Variants in ADCY10 observed in about 807,000 individuals in gnomAD.
ADCY10 encodes adenylate cyclase 10.
Under a neutral mutation model 183.3 loss-of-function variants are expected in ADCY10, and 156 were observed. The observed-to-expected ratio is 0.85, with a 90% CI of 0.75 to 0.97. The LOEUF is 0.97. Among genes scored for constraint, ADCY10 ranks in the 50% least tolerant of loss-of-function variants. The probability of loss-of-function intolerance (pLI) is 0.00; values close to 1 mark genes in which losing one functional copy is unlikely to be tolerated. For synonymous variants in ADCY10, 645 were observed against 670.0 expected (o/e 0.96, Z 0.58); for missense variants, 1,745 against 1,934.3 (o/e 0.90, Z 1.84).
rs1669476448 is a variant in ADCY10, at chr1:167,902,123, C to G, written c.254-69G>C. On this transcript the variant is annotated intron_variant, in intron 3 of 32. Transcript: ENST00000367851. ...AGGTAGTAAAAAAACATCATTCTTT[C>G]TTAGTGGAATAGAAACTAGGTCAAA... 3 of 1,438,496 alleles carry G rather than the reference C, an allele frequency of 2.1e-6. No homozygotes were observed. The East Asian group carries it at 6.8e-5, about 33-fold the overall frequency. 89.1% of individuals were successfully genotyped at this position (1,438,496 alleles called of 1,614,324 possible). A position where few individuals can be genotyped will look rare whatever the true frequency, so the allele number is the denominator to read the frequency against.
chr1:167,880,327 T>C (rs1667782518), intron 10 of ADCY10, 136 bp from the exon 11 acceptor site: 5 of 1,002,958 alleles, frequency 5.0e-6, no homozygotes, highest in Non-Finnish European at 7.8e-6. Flanking sequence ...AATTAGTTTA[T>C]GGCATTTCTA....
chr1:167,881,977 T>C (rs1667895055), intron 9 of ADCY10, among the ~76,000 whole-genome samples: 1 of 152,230 alleles, frequency 6.6e-6, no homozygotes, highest in Non-Finnish European at 1.5e-5. Context: ...GTTGTGTCAA[T>C]ATATGTGTTA....
intron 1 of ADCY10, among the ~76,000 whole-genome samples, chr1:167,911,980 A>T (rs1322362206): frequency 6.6e-6 from 1 of 152,224 alleles, no homozygotes; most frequent in Non-Finnish European, 1.5e-5. Flanking sequence ...AGGCAGGGAG[A>T]TCTAAAATAA....
chr1:167,822,161 G>T lies in ADCY10; in HGVS notation c.4169-20C>A. On this transcript the variant is annotated intron_variant, in intron 29 of 32. Transcript: ENST00000367851. ...CAAAACCTAAGAGAGAGAGGAATGG[G>T]TGAGAGTTATTAGTAGGTGTGGGTG... 1 of 1,444,300 alleles carries T rather than the reference G, an allele frequency of 6.9e-7. No homozygotes were observed. The highest frequency in any genetic ancestry group is 9.8e-7 in the Non-Finnish European group (1 of 1,025,272). 89.5% of individuals were successfully genotyped at this position (1,444,300 alleles called of 1,614,324 possible). A position where few individuals can be genotyped will look rare whatever the true frequency, so the allele number is the denominator to read the frequency against.
intron 14 of ADCY10, among the ~76,000 whole-genome samples, chr1:167,866,881 C>T (rs1000139599): frequency 2.6e-5 from 4 of 152,122 alleles, no homozygotes; most frequent in Non-Finnish European, 2.9e-5. Context: ...TTTCCAAAGG[C>T]TGGCCCCCAT....
chr1:167,846,042 C>T lies in ADCY10; in HGVS notation c.2659G>A (p.Asp887Asn), dbSNP rs1321154809. Residue 887 changes from aspartate to asparagine, a missense_variant, in exon 20 of 33, where the codon GAT (aspartate) becomes AAT (asparagine). Asp to Asn is a conservative substitution (Grantham distance 23). Transcript: ENST00000367851. ...CGATAGTGCACCTCAAATGAGGGAT[C>T]ATTCTGTTTCAGGGCCTTTTGAAGC... Reference protein sequence around the residue: ...KELQKALKQNDPSFEVHYRSL... With the variant: ...KELQKALKQNNPSFEVHYRSL... The T allele has an allele frequency of 6.2e-7, 1 of 1,614,202 alleles. No individual in the cohort carries two copies. Among genetic ancestry groups the T allele is most frequent in the Admixed American group, 1.7e-5 (1 of 60,024 alleles).
rs143562121 is a variant in ADCY10 at position 167,810,764 on chromosome 1, C to T, written c.4632G>A (p.Gln1544=). The T allele has an allele frequency of 6.2e-7, 1 of 1,614,204 alleles. No individual in the cohort carries two copies. The highest frequency in any genetic ancestry group is 2.2e-5 in the East Asian group (1 of 44,884). Reference sequence around the variant, plus strand: ...GCCAGCATTTCTCCAGTATATTCCCCTGTGTTTCAGAGAGCCGCAAGGCTG... The same window carrying T: ...GCCAGCATTTCTCCAGTATATTCCCTTGTGTTTCAGAGAGCCGCAAGGCTG... ...LNTALRLSET[Q]GNILEKCWLN... Residue 1544 remains glutamine, a synonymous_variant, in exon 32 of 33, where the codon CAG becomes CAA. Transcript: ENST00000367851.
chr1:167,828,960 T>G lies in ADCY10; in HGVS notation c.3750+307A>C, dbSNP rs544577570. Among the ~76,000 whole-genome samples the G allele has an allele frequency of 3.3e-5, 5 of 151,926 alleles. No homozygotes were observed. The South Asian group carries it at 1.0e-3, about 32-fold the overall frequency. On this transcript the variant is annotated intron_variant, in intron 26 of 32. Transcript: ENST00000367851. ...CTGGGTGACAGAGCAAGACTCCATC[T>G]CAAAAAAAACCAGCAAAAATAATAA... is the stretch of plus-strand genomic sequence containing the variant.
At chr1:167,855,184 G>T (rs1393482122) in intron 17 of ADCY10, among the ~76,000 whole-genome samples, 1 of 152,206 alleles carries the variant, frequency 6.6e-6, no homozygotes, top group Non-Finnish European at 1.5e-5. Context: ...GCTGGGCGTA[G>T]TGGGGCATGC....
At chr1:167,912,122 G>A (rs1240822150) in intron 1 of ADCY10, among the ~76,000 whole-genome samples, 1 of 152,156 alleles carries the variant, frequency 6.6e-6, no homozygotes, top group Non-Finnish European at 1.5e-5. Context: ...CTTTCTACAG[G>A]CACATACCAC....
chr1:167,903,823 G>C, intron 3 of ADCY10, 64 bp downstream of exon 3: 2 of 1,209,452 alleles, frequency 1.7e-6, no homozygotes, highest in Non-Finnish European at 1.2e-6. Flanking sequence ...GGTTATAATT[G>C]ACAACTACGG....
At chr1:167,859,978 C>T in intron 15 of ADCY10, 85 bp from the exon 16 acceptor site, 9 of 996,698 alleles carry the variant, frequency 9.0e-6, no homozygotes, top group Non-Finnish European at 8.0e-6. Flanking sequence ...AAACACTTAA[C>T]TATTCTGTGT....
rs930858434 is a variant in ADCY10 at position 167,861,060 on chromosome 1, A to G, written c.1620T>C (p.Ile540=). The part of the protein sequence containing the change: ...EYLAQGKNHR[I]IAISLNKISF... ...TGATCTTATTCAATGAAATGGCAATAATCCTGTTTGTGAGAAAATCAAGAA... is the reference window on the plus strand; with the variant it reads ...TGATCTTATTCAATGAAATGGCAATGATCCTGTTTGTGAGAAAATCAAGAA... Residue 540 remains isoleucine, a synonymous_variant, in exon 15 of 33, where the codon ATT becomes ATC. Coordinates refer to ENST00000367851, the MANE Select transcript of ADCY10 (RefSeq NM_018417.6). 3.1e-6 allele frequency: 5 copies of G among 1,613,828 alleles called. No individual in the cohort carries two copies. The highest frequency in any genetic ancestry group is 1.6e-4 in the Middle Eastern group (1 of 6,062).
chr1:167,903,601 A>G (rs941538194), intron 3 of ADCY10, among the ~76,000 whole-genome samples: 3 of 152,168 alleles, frequency 2.0e-5, no homozygotes, highest in African/African-American at 4.8e-5. Flanking sequence ...ATACTTGGAT[A>G]TATAACTAAA....
chr1:167,823,166 A>G (rs761125374), intron 28 of ADCY10, 43 bp from the exon 29 acceptor site: 4 of 1,554,566 alleles, frequency 2.6e-6, no homozygotes, highest in Non-Finnish European at 1.8e-6. Flanking sequence ...AGTGGTGGAT[A>G]TTGTAATCCC....
Position 167,833,982 on chromosome 1 carries a change from G to A in ADCY10, c.3405C>T (p.Ser1135=), listed in dbSNP as rs1663992286. Reference sequence around the variant, plus strand: ...AATGGTTTCTTACCTCACCTTTGAGGCTGTAAAAGGTGGCAGACTCAAATG... The same window carrying A: ...AATGGTTTCTTACCTCACCTTTGAGACTGTAAAAGGTGGCAGACTCAAATG... The part of the protein sequence containing the change: ...SQTFESATFY[S]LKGEVCFNMG... The change falls in exon 24 of 33, where the codon AGC becomes AGT. Residue 1135 remains serine (S), a synonymous_variant. Transcript: ENST00000367851. The A allele has an allele frequency of 1.2e-6, 2 of 1,613,334 alleles. No individual in the cohort carries two copies. Among genetic ancestry groups the A allele is most frequent in the Non-Finnish European group, 1.7e-6 (2 of 1,179,350 alleles).
At position 167,886,965 on chromosome 1, in the gene ADCY10, T is replaced by A. The variant is rs182321085; in HGVS notation, c.829-3337A>T. On this transcript the variant is annotated intron_variant, in intron 8 of 32. Transcript: ENST00000367851. The stretch of plus-strand genomic sequence containing the variant: ...AAAAAATGTTCATCATCACTGGCCA[T>A]CAGAGACATGCAAATCAAAACCACA... Among the ~76,000 whole-genome samples, 54 of 152,268 alleles carry A rather than the reference T, an allele frequency of 3.5e-4. No homozygotes were observed. In the East Asian group the frequency reaches 9.8e-3, roughly 28 times the overall value.
chr1:167,907,116 A>G (rs1466354898), intron 1 of ADCY10, among the ~76,000 whole-genome samples: 1 of 152,236 alleles, frequency 6.6e-6, no homozygotes, highest in Non-Finnish European at 1.5e-5. Context: ...ACATATATCT[A>G]CAGATACTGA....
At chr1:167,840,053 T>TAA (rs576014779) in intron 21 of ADCY10, among the ~76,000 whole-genome samples, 3 of 121,564 alleles carry the variant, frequency 2.5e-5, no homozygotes, top group Non-Finnish European at 5.3e-5. Context: ...GACCTGTCTA[T>TAA]AAAAAAAAAA....
Sources: allele counts gnomAD v4.1 joint callset (sites outside exome capture counted in the v4.1 genomes callset), GRCh38; gene constraint gnomAD v4.1.1; transcripts MANE v1.5; gene names NCBI Gene and HGNC (gene_info 2026-07-23, HGNC 2026-07-21).